Variants in NUP205 observed in about 807,000 individuals in gnomAD.
NUP205 encodes nuclear pore complex protein Nup205.
In NUP205, 76 loss-of-function variants were observed where a neutral mutation model predicts 253.8. That is an observed-to-expected ratio of 0.30 (90% CI 0.25 to 0.36). The LOEUF (loss-of-function observed/expected upper bound fraction) is 0.36, where lower values mean the gene tolerates loss of function less well. NUP205 is among the 10% of genes least tolerant of loss of function. The probability of loss-of-function intolerance (pLI) is 1.00; values close to 1 mark genes in which losing one functional copy is unlikely to be tolerated. For synonymous variants in NUP205, 832 were observed against 850.1 expected, an observed-to-expected ratio of 0.98 and a Z score of 0.37; for missense variants, 2,162 against 2,425.5, an observed-to-expected ratio of 0.89 and a Z score of 2.28.
chr7:135,593,099 C>T lies in NUP205; in HGVS notation c.1737C>T (p.Val579=). The T allele has an allele frequency of 1.2e-6, 2 of 1,614,052 alleles. No homozygotes were observed. Among genetic ancestry groups the T allele is most frequent in the Non-Finnish European group, 1.7e-6 (2 of 1,179,958 alleles). The change falls in exon 12 of 43, where the codon GTC becomes GTT. Residue 579 remains valine (V), a synonymous_variant. Transcript: ENST00000285968. ...LRKDLPSADS[V]QYRHLPSRGI... is the part of the protein sequence containing the mutation. The stretch of plus-strand genomic sequence containing the variant: ...AGGATCTTCCAAGTGCAGATAGTGT[C>T]CAGTACCGTCACCTTCCTTCCCGTG...
At chr7:135,563,142 C>T (rs1311634611) in intron 1 of NUP205, among the ~76,000 whole-genome samples, 1 of 152,108 alleles carries the variant, frequency 6.6e-6, no homozygotes, top group Non-Finnish European at 1.5e-5. Flanking sequence ...ACCTCTCCTT[C>T]ATATCCTTCA....
At chr7:135,570,665 T>C (rs1805935013) in intron 1 of NUP205, among the ~76,000 whole-genome samples, 1 of 119,462 alleles carries the variant, frequency 8.4e-6, no homozygotes, top group East Asian at 2.1e-4. Context: ...ATTATATTAA[T>C]ATAATTAATA....
At chr7:135,601,559 T>C in intron 17 of NUP205, 52 bp downstream of exon 17, 2 of 1,553,766 alleles carry the variant, frequency 1.3e-6, no homozygotes, top group Non-Finnish European at 1.7e-6. Context: ...TGTTTTCATC[T>C]TTTGTAAACT....
At chr7:135,565,238 A>G (rs992654293) in intron 1 of NUP205, among the ~76,000 whole-genome samples, 2 of 152,168 alleles carry the variant, frequency 1.3e-5, no homozygotes, top group South Asian at 2.1e-4. Flanking sequence ...GGGAGAGAAA[A>G]TTAACTTTTG....
chr7:135,572,586 G>T (rs1323825118), intron 2 of NUP205, among the ~76,000 whole-genome samples: 3 of 152,168 alleles, frequency 2.0e-5, no homozygotes, highest in Non-Finnish European at 4.4e-5. Flanking sequence ...TTGTGTGTCA[G>T]AGTCTCACTC....
At position 135,619,874 on chromosome 7, in the gene NUP205, A is replaced by G. The variant is rs1563132011; in HGVS notation, c.4316A>G (p.Asp1439Gly). 2 of 1,608,206 alleles carry G rather than the reference A, an allele frequency of 1.2e-6. No homozygotes were observed. Among genetic ancestry groups the G allele is most frequent in the Non-Finnish European group, 1.7e-6 (2 of 1,174,898 alleles). The stretch of plus-strand genomic sequence containing the variant: ...ATTGCCCAGAGACCTGATGAACCAG[A>G]CACCTTAGAAGCAGGTAGAATGAGA... ...LQIAQRPDEP[D>G]TLEAAKKTMW... Residue 1439 changes from aspartate to glycine, a missense_variant, in exon 30 of 43, where the codon GAC (aspartate) becomes GGC (glycine). Around this residue, in one of 5 missense-constraint regions of NUP205, gnomAD observed 1,144 missense variants for 1,280.9 expected, o/e 0.89. Coordinates refer to ENST00000285968, the MANE Select transcript of NUP205 (RefSeq NM_015135.3).
At chr7:135,608,916 C>T (rs978633239) in intron 22 of NUP205, among the ~76,000 whole-genome samples, 2 of 151,748 alleles carry the variant, frequency 1.3e-5, no homozygotes, top group South Asian at 4.2e-4. Context: ...GCCTGGCCAA[C>T]ATGGTGGAAC....
chr7:135,634,604 A>C (rs1214386994), intron 35 of NUP205, among the ~76,000 whole-genome samples: 1 of 152,178 alleles, frequency 6.6e-6, no homozygotes, highest in African/African-American at 2.4e-5. Flanking sequence ...TACAAGAAAG[A>C]CTTTAGCCTA....
chr7:135,625,210 A>G lies in NUP205; in HGVS notation c.4526A>G (p.Gln1509Arg), dbSNP rs1412090798. 6.2e-7 allele frequency: 1 copy of G among 1,613,838 alleles called. No individual in the cohort carries two copies. The highest frequency in any genetic ancestry group is 2.2e-5 in the East Asian group (1 of 44,880). Residue 1509 changes from glutamine (Q) to arginine (R), a missense_variant, in exon 32 of 43, where the codon CAG becomes CGG. Transcript: ENST00000285968. ...GATAGAATTGTCTCCGTGGATAAACAGCAGCAGTGGCTTTTGTATCTTTCT... is the reference window on the plus strand; with the variant it reads ...GATAGAATTGTCTCCGTGGATAAACGGCAGCAGTGGCTTTTGTATCTTTCT... ...LLDRIVSVDK[Q>R]QQWLLYLSNS...
At chr7:135,600,792 T>C (rs542984727) in intron 15 of NUP205, 78 bp from the exon 16 acceptor site, 67 of 700,200 alleles carry the variant, frequency 9.6e-5, no homozygotes, top group Non-Finnish European at 1.6e-4. Context: ...GAAAAAGAAG[T>C]GGGAAGAGTG....
chr7:135,564,749 T>G (rs770629528), intron 1 of NUP205, among the ~76,000 whole-genome samples: 15 of 151,436 alleles, frequency 9.9e-5, no homozygotes, highest in Non-Finnish European at 1.8e-4. Context: ...GTGAACCTGT[T>G]TTTTTATTGT....
Position 135,648,616 on chromosome 7 carries a change from A to G in NUP205, c.*60A>G. The G allele has an allele frequency of 7.7e-7, 1 of 1,294,366 alleles. No homozygotes were observed. The highest frequency in any genetic ancestry group is 1.0e-6 in the Non-Finnish European group (1 of 986,430). 80.2% of individuals were successfully genotyped at this position (1,294,366 alleles called of 1,614,324 possible). A position where few individuals can be genotyped will look rare whatever the true frequency, so the allele number is the denominator to read the frequency against. ...AATTGGGGAGAATTGTCTCCATTTT[A>G]TAGATTAGTTTCTTTCTAAATTATG... On this transcript the variant is annotated 3_prime_UTR_variant, in exon 43 of 43. Coordinates refer to ENST00000285968, the MANE Select transcript of NUP205 (RefSeq NM_015135.3).
At chr7:135,584,237 C>T (rs1806396239) in intron 7 of NUP205, among the ~76,000 whole-genome samples, 2 of 151,962 alleles carry the variant, frequency 1.3e-5, no homozygotes, top group South Asian at 2.1e-4. Context: ...TAAGATTGTC[C>T]ATAAGTTGGT....
chr7:135,578,615 G>T, intron 6 of NUP205, 136 bp from the exon 7 acceptor site: 1 of 579,132 alleles, frequency 1.7e-6, no homozygotes. Flanking sequence ...CTTTTGGGAT[G>T]TAGAAATTAA....
Position 135,577,855 on chromosome 7 carries a change from T to G in NUP205, c.708T>G (p.Ala236=). 2 of 1,614,182 alleles carry G rather than the reference T, an allele frequency of 1.2e-6. No homozygotes were observed. The highest frequency in any genetic ancestry group is 1.7e-6 in the Non-Finnish European group (2 of 1,180,016). Residue 236 remains alanine (A), a synonymous_variant, in exon 6 of 43, where the codon GCT becomes GCG. Transcript: ENST00000285968. ...TTGCAGAAAGCCTTTTTGCCTGGGC[T>G]TGCCAGTCACCTTTAGGCAAAGAAG... ...QSLAESLFAW[A]CQSPLGKEDT...
chr7:135,594,413 A>G (rs886220364), intron 12 of NUP205, 134 bp from the exon 13 acceptor site: 8 of 532,692 alleles, frequency 1.5e-5, no homozygotes, highest in South Asian at 4.0e-5. Context: ...AACATAAATG[A>G]TAGGCTTATT....
At chr7:135,587,805 A>G (rs1806512326) in intron 9 of NUP205, 50 bp from the exon 10 acceptor site, 1 of 1,553,740 alleles carries the variant, frequency 6.4e-7, no homozygotes, top group Non-Finnish European at 8.7e-7. Flanking sequence ...TATTGAAAGT[A>G]ATTTTTCAGT....
intron 7 of NUP205, among the ~76,000 whole-genome samples, chr7:135,582,313 T>A (rs1376685426): frequency 6.6e-6 from 1 of 152,146 alleles, no homozygotes; most frequent in Non-Finnish European, 1.5e-5. Context: ...AATCTTTGAG[T>A]TGATTCTCTT....
intron 12 of NUP205, among the ~76,000 whole-genome samples, chr7:135,594,306 C>T (rs749458759): frequency 1.3e-5 from 2 of 152,238 alleles, no homozygotes; most frequent in Non-Finnish European, 2.9e-5. Context: ...ATTTCTCATA[C>T]TTGGAACTGC....
Sources: gnomAD v4.1 joint callset for allele counts (sites outside exome capture counted in the v4.1 genomes callset) on GRCh38, gnomAD v4.1.1 for gene constraint, gnomAD v4.1.1 regional missense constraint, MANE v1.5 for transcripts, NCBI Gene and HGNC (gene_info 2026-07-23, HGNC 2026-07-21) for gene names.